The following CSMD1 variants were observed in gnomAD, a reference collection of about 807,000 sequenced individuals.
CSMD1 encodes CUB and Sushi multiple domains 1, also known as CUB and sushi domain-containing protein 1.
Under a neutral mutation model 417.5 loss-of-function variants are expected in CSMD1, and 213 were observed. That is an observed-to-expected ratio of 0.51 (90% CI 0.46 to 0.57). CSMD1 has a LOEUF of 0.57. Among genes scored for constraint, CSMD1 ranks in the 20% least tolerant of loss-of-function variants. CSMD1 has a pLI of 0.00. For missense variants in CSMD1, 6,923 were observed against 4,529.7 expected, an observed-to-expected ratio of 1.53 and a Z score of -15.17; for synonymous variants, 2,862 against 1,736.8, an observed-to-expected ratio of 1.65 and a Z score of -16.11.
Position 3,118,509 on chromosome 8 carries a change from T to A in CSMD1, c.6320A>T (p.Gln2107Leu). Residue 2107 changes from glutamine (Q) to leucine (L), a missense_variant, in exon 42 of 70, where the codon CAA (glutamine) becomes CTA (leucine). Physicochemically the swap from Gln to Leu is moderately radical, Grantham distance 113. Transcript: ENST00000635120. ...YMINSDYSVG[Q>L]SVSFECYPGY... ...AGGATAACACTCGAAAGATACTGAT[T>A]GCCCCACGCTGTAATCCGAGTTGAT... The A allele has an allele frequency of 6.2e-7, 1 of 1,613,918 alleles. No homozygotes were observed. The highest frequency in any genetic ancestry group is 8.5e-7 in the Non-Finnish European group (1 of 1,179,840).
At chr8:4,969,558 T>A (rs780303065) in intron 1 of CSMD1, among the ~76,000 whole-genome samples, 14 of 151,802 alleles carry the variant, frequency 9.2e-5, no homozygotes, top group Non-Finnish European at 1.5e-4. Flanking sequence ...ATTACTCTTA[T>A]CTCACAACAG....
chr8:3,741,560 G>T (rs897940825), intron 6 of CSMD1, among the ~76,000 whole-genome samples: 7 of 152,180 alleles, frequency 4.6e-5, no homozygotes, highest in Non-Finnish European at 1.0e-4. Context: ...TTTATGATAT[G>T]CATTTTTTGA....
chr8:4,106,083 G>C (rs918601677), intron 3 of CSMD1, among the ~76,000 whole-genome samples: 16 of 152,194 alleles, frequency 1.1e-4, no homozygotes, highest in African/African-American at 3.6e-4. Context: ...GAGCTATGTA[G>C]AGTCTCTGAG....
At chr8:4,168,162 CACACACACACACACAT>C (rs1375512320) in intron 3 of CSMD1, among the ~76,000 whole-genome samples, 45 of 151,374 alleles carry the variant, frequency 3.0e-4, no homozygotes, top group South Asian at 6.3e-4. Context: ...CACACACACA[CACACACACACACACAT>C]ACACACACAC....
At chr8:3,674,318 C>T (rs987925760) in intron 7 of CSMD1, among the ~76,000 whole-genome samples, 2 of 152,140 alleles carry the variant, frequency 1.3e-5, no homozygotes, top group Non-Finnish European at 2.9e-5. Flanking sequence ...ATTCTTTGAA[C>T]TTACCATGTA....
chr8:3,252,223 T>G (rs1800326734), intron 26 of CSMD1, among the ~76,000 whole-genome samples: 1 of 152,212 alleles, frequency 6.6e-6, no homozygotes, highest in African/African-American at 2.4e-5. Flanking sequence ...CTTATTATTT[T>G]GAAATACGTC....
intron 8 of CSMD1, among the ~76,000 whole-genome samples, chr8:3,592,963 G>A (rs1800922724): frequency 6.6e-6 from 1 of 152,162 alleles, no homozygotes; most frequent in Non-Finnish European, 1.5e-5. Flanking sequence ...TGGTGGCCTG[G>A]CCCTCCCCGC....
At chr8:3,775,025 A>C (rs1798823928) in intron 5 of CSMD1, among the ~76,000 whole-genome samples, 1 of 152,108 alleles carries the variant, frequency 6.6e-6, no homozygotes, top group African/African-American at 2.4e-5. Flanking sequence ...AGGATACAGG[A>C]GATTTCATCA....
chr8:4,323,967 G>T (rs1253081624), intron 3 of CSMD1, among the ~76,000 whole-genome samples: 1 of 152,130 alleles, frequency 6.6e-6, no homozygotes, highest in Non-Finnish European at 1.5e-5. Flanking sequence ...TGTCAGTGCA[G>T]CCTGCTGCCT....
intron 2 of CSMD1, among the ~76,000 whole-genome samples, chr8:4,599,793 C>T (rs2130759940): frequency 6.6e-6 from 1 of 152,228 alleles, no homozygotes; most frequent in East Asian, 1.9e-4. Flanking sequence ...TACTGTAAGC[C>T]AAGTATATTT....
chr8:4,582,523 C>G (rs1427509731), intron 2 of CSMD1, among the ~76,000 whole-genome samples: 2 of 152,160 alleles, frequency 1.3e-5, no homozygotes, highest in African/African-American at 4.8e-5. Flanking sequence ...GTCCTGTAGT[C>G]TCACAGGAGT....
chr8:4,370,666 G>T (rs1802343804), intron 3 of CSMD1, among the ~76,000 whole-genome samples: 1 of 152,118 alleles, frequency 6.6e-6, no homozygotes, highest in Admixed American at 6.6e-5. Flanking sequence ...TGCTCACGTT[G>T]CTTCAAAGGA....
At chr8:3,850,373 A>C (rs953570666) in intron 5 of CSMD1, among the ~76,000 whole-genome samples, 2 of 152,296 alleles carry the variant, frequency 1.3e-5, no homozygotes, top group Middle Eastern at 6.8e-3. Flanking sequence ...TTTGTCCTGT[A>C]AGCACTGACA....
chr8:4,711,464 T>C (rs543167076), intron 1 of CSMD1, among the ~76,000 whole-genome samples: 1 of 152,310 alleles, frequency 6.6e-6, no homozygotes, highest in Admixed American at 6.5e-5. Context: ...TGAAAGTACC[T>C]TTTATTTTTG....
At chr8:4,991,980 C>T (rs1054589646) in intron 1 of CSMD1, among the ~76,000 whole-genome samples, 1 of 152,160 alleles carries the variant, frequency 6.6e-6, no homozygotes, top group Non-Finnish European at 1.5e-5. Context: ...TCCTGGACCC[C>T]CTCCGCGCGC....
intron 3 of CSMD1, among the ~76,000 whole-genome samples, chr8:4,321,385 C>T (rs535492931): frequency 1.3e-5 from 2 of 152,228 alleles, no homozygotes; most frequent in African/African-American, 4.8e-5. Flanking sequence ...ACGGAGCAAT[C>T]AGAAGAGTTT....
At chr8:3,605,435 C>G (rs75853324) in intron 8 of CSMD1, among the ~76,000 whole-genome samples, 3,273 of 152,226 alleles carry the variant, frequency 0.022, 126 homozygotes, top group African/African-American at 0.075. Flanking sequence ...AATAATAAAA[C>G]CAATGCAGCA....
At chr8:4,873,345 G>T (rs1053048116) in intron 1 of CSMD1, among the ~76,000 whole-genome samples, 1 of 152,092 alleles carries the variant, frequency 6.6e-6, no homozygotes, top group South Asian at 2.1e-4. Context: ...ATGTGTGTTT[G>T]GTTTGTATGA....
chr8:4,553,981 T>A (rs1383618079), intron 2 of CSMD1, among the ~76,000 whole-genome samples: 1 of 152,202 alleles, frequency 6.6e-6, no homozygotes, highest in Non-Finnish European at 1.5e-5. Context: ...TCTGCTGGCA[T>A]GAGACAGTCT....
Sources: gnomAD v4.1 joint callset for allele counts (sites outside exome capture counted in the v4.1 genomes callset) on GRCh38, gnomAD v4.1.1 for gene constraint, MANE v1.5 for transcripts, NCBI Gene and HGNC (gene_info 2026-07-23, HGNC 2026-07-21) for gene names.